FAT4: variants seen among roughly 807,000 people sequenced by gnomAD.
FAT4 encodes the protein FAT atypical cadherin 4, also known as protocadherin Fat 4.
In FAT4, 84 loss-of-function variants were observed where a neutral mutation model predicts 303.9. The ratio of observed to expected loss-of-function variants is 0.28; its 90% CI spans 0.23 to 0.33. The LOEUF is 0.33. Ranked by LOEUF, FAT4 falls within the 10% of genes least tolerant of loss-of-function variation. The probability of loss-of-function intolerance (pLI) is 1.00; values close to 1 mark genes in which losing one functional copy is unlikely to be tolerated. For synonymous variants in FAT4, 2,307 were observed against 2,298.8 expected (o/e 1.00, Z -0.10); for missense variants, 6,005 against 6,146.8 (o/e 0.98, Z 0.77).
In FAT4 at chr4:125,404,938, A is replaced by G. The variant is rs75161830; in HGVS notation, c.5308-1942A>G. Among the ~76,000 whole-genome samples the G allele has an allele frequency of 3.3e-5, 5 of 151,562 alleles. No homozygotes were observed. The East Asian group carries it at 9.7e-4, about 29-fold the overall frequency. Reference sequence around the variant, plus strand: ...AGCTGAATAATATTCCTTTGTATGTATATACAGGTTGAGTATTTCTTATCC... The same window carrying G: ...AGCTGAATAATATTCCTTTGTATGTGTATACAGGTTGAGTATTTCTTATCC... On this transcript the variant is annotated intron_variant, in intron 3 of 17. Coordinates refer to ENST00000394329, the MANE Select transcript of FAT4 (RefSeq NM_001291303.3).
Position 125,415,608 on chromosome 4 carries a change from A to G in FAT4, c.6645A>G (p.Lys2215=). Reference sequence around the variant, plus strand: ...TCACAGGTGCCATCACTGTCGCTAAACCTTTGGATAGAGAAAAGACCCCTA... The same window carrying G: ...TCACAGGTGCCATCACTGTCGCTAAGCCTTTGGATAGAGAAAAGACCCCTA... ...DSVTGAITVA[K]PLDREKTPTY... Residue 2215 remains lysine (K), a synonymous_variant, in exon 6 of 18, where the codon AAA becomes AAG. Transcript: ENST00000394329. 6.2e-7 allele frequency: 1 copy of G among 1,613,982 alleles called. No homozygotes were observed. Among genetic ancestry groups the G allele is most frequent in the Non-Finnish European group, 8.5e-7 (1 of 1,179,968 alleles).
chr4:125,468,803 C>T lies in FAT4; in HGVS notation c.12197C>T (p.Ala4066Val), dbSNP rs748717679. Residue 4066 changes from alanine to valine, a missense_variant, in exon 12 of 18, where the codon GCC becomes GTC. Coordinates refer to ENST00000394329, the MANE Select transcript of FAT4 (RefSeq NM_001291303.3). ...VSDGHFHTVI[A>V]RRAGMAASLT... ...GATGGACATTTTCACACTGTGATTG[C>T]CAGGAGAGCAGGAATGGTAAGATAT... 6 of 1,609,686 alleles carry T rather than the reference C, an allele frequency of 3.7e-6. No individual in the cohort carries two copies. Among genetic ancestry groups the T allele is most frequent in the Non-Finnish European group, 5.1e-6 (6 of 1,176,726 alleles).
chr4:125,488,465 A>G (rs1015466673), intron 17 of FAT4, among the ~76,000 whole-genome samples: 1 of 152,212 alleles, frequency 6.6e-6, no homozygotes, highest in Admixed American at 6.5e-5. Context: ...GATCTGGGCA[A>G]GATGTCTTCT....
intron 14 of FAT4, among the ~76,000 whole-genome samples, chr4:125,479,049 G>A (rs904339092): frequency 4.6e-5 from 7 of 152,038 alleles, no homozygotes; most frequent in Admixed American, 6.5e-5. Flanking sequence ...CTCAAACATG[G>A]CAGTACGCTT....
chr4:125,356,542 G>GTTTTTTTTT (rs1230221758), intron 2 of FAT4, among the ~76,000 whole-genome samples: 11 of 98,456 alleles, frequency 1.1e-4, no homozygotes, highest in African/African-American at 4.0e-4. Flanking sequence ...AGGGTGTTTT[G>GTTTTTTTTT]TTTTTTGTTT....
intron 7 of FAT4, among the ~76,000 whole-genome samples, chr4:125,433,527 A>G (rs890196113): frequency 6.6e-6 from 1 of 152,210 alleles, no homozygotes; most frequent in African/African-American, 2.4e-5. Context: ...AAATTAGTCT[A>G]GTACAGATAG....
At chr4:125,486,004 GA>G (rs1024433425) in intron 16 of FAT4, among the ~76,000 whole-genome samples, 4 of 152,182 alleles carry the variant, frequency 2.6e-5, no homozygotes, top group Non-Finnish European at 4.4e-5. Flanking sequence ...AAAACATTAA[GA>G]ATGTTATAAT....
intron 2 of FAT4, among the ~76,000 whole-genome samples, chr4:125,329,105 A>G (rs889786689): frequency 3.3e-5 from 5 of 152,064 alleles, no homozygotes; most frequent in Non-Finnish European, 7.4e-5. Flanking sequence ...TTATTTCTTC[A>G]TTTTGCTTTC....
In FAT4 at chr4:125,452,769, T is replaced by G; in HGVS notation, c.11759T>G (p.Phe3920Cys). 1 of 1,613,792 alleles carries G rather than the reference T, an allele frequency of 6.2e-7. No homozygotes were observed. The highest frequency in any genetic ancestry group is 8.5e-7 in the Non-Finnish European group (1 of 1,179,872). ...PCKNGAICQNFPGSFNCVCKT... is the reference protein window; with the variant it reads ...PCKNGAICQNCPGSFNCVCKT... ...AAGAATGGTGCCATCTGCCAGAATTTTCCAGGAAGCTTCAACTGTGTTTGC... is the reference window on the plus strand; with the variant it reads ...AAGAATGGTGCCATCTGCCAGAATTGTCCAGGAAGCTTCAACTGTGTTTGC... The change falls in exon 10 of 18, where the codon TTT becomes TGT. Residue 3920 changes from phenylalanine (F) to cysteine (C), a missense_variant. Transcript: ENST00000394329.
At chr4:125,488,432 G>A (rs1353880539) in intron 17 of FAT4, among the ~76,000 whole-genome samples, 1 of 152,184 alleles carries the variant, frequency 6.6e-6, no homozygotes, top group Non-Finnish European at 1.5e-5. Context: ...GAGGACACGA[G>A]TGGATCTACA....
At chr4:125,422,193 A>G (rs1724925883) in intron 7 of FAT4, among the ~76,000 whole-genome samples, 1 of 152,234 alleles carries the variant, frequency 6.6e-6, no homozygotes, top group African/African-American at 2.4e-5. Context: ...AAGAAGATAT[A>G]AAGAATTTGT....
At position 125,448,934 on chromosome 4, in the gene FAT4, G is replaced by C; in HGVS notation, c.7924G>C (p.Glu2642Gln). The C allele has an allele frequency of 1.9e-6, 3 of 1,613,526 alleles. No homozygotes were observed. The highest frequency in any genetic ancestry group is 2.5e-6 in the Non-Finnish European group (3 of 1,179,892). ...GATACAAAAATATGTTGTATGGATA[G>C]AGGCCAGAGACGGTGGTTTCCCTCC... ...EKIQKYVVWI[E>Q]ARDGGFPPFS... The change falls in exon 10 of 18, where the codon GAG (glutamate) becomes CAG (glutamine). Residue 2642 changes from glutamate (E) to glutamine (Q), a missense_variant. Transcript: ENST00000394329.
intron 5 of FAT4, among the ~76,000 whole-genome samples, chr4:125,411,620 A>G (rs1734844347): frequency 6.6e-6 from 1 of 151,574 alleles, no homozygotes. Flanking sequence ...GTTGACAAAT[A>G]TTAGTTCTTT....
rs780430134 is a variant in FAT4 at position 125,468,680 on chromosome 4, C to T, written c.12074C>T (p.Ala4025Val). 6.2e-7 allele frequency: 1 copy of T among 1,614,138 alleles called. No homozygotes were observed. The highest frequency in any genetic ancestry group is 1.7e-5 in the Admixed American group (1 of 60,008). Residue 4025 changes from alanine to valine, a missense_variant, in exon 12 of 18, where the codon GCT becomes GTT. Ala to Val is a moderately conservative substitution (Grantham distance 64). Transcript: ENST00000394329. Reference sequence around the variant, plus strand: ...TATGACAACCAGACAGGCGACCGGGCTGAGTTTTTGGCCCTTGAAATTGCC... The same window carrying T: ...TATGACAACCAGACAGGCGACCGGGTTGAGTTTTTGGCCCTTGAAATTGCC... ...YNYDNQTGDR[A>V]EFLALEIAEE... is the part of the protein sequence containing the mutation.
In FAT4 at chr4:125,491,333, A is replaced by G. The variant is rs1227044176; in HGVS notation, c.14517A>G (p.Glu4839=). ...CAGCGGATGGCATTCCAGCTCCAGA[A>G]TCCTCTTCTGATAGTGACTCCCATG... The part of the protein sequence containing the change: ...RNPADGIPAP[E]SSSDSDSHES... The change falls in exon 18 of 18, where the codon GAA becomes GAG. Residue 4839 remains glutamate, a synonymous_variant. Transcript: ENST00000394329. 1 of 1,614,196 alleles carries G rather than the reference A, an allele frequency of 6.2e-7. No homozygotes were observed. The highest frequency in any genetic ancestry group is 1.3e-5 in the African/African-American group (1 of 75,056).
At chr4:125,463,267 C>T (rs959391805) in intron 10 of FAT4, among the ~76,000 whole-genome samples, 1 of 151,862 alleles carries the variant, frequency 6.6e-6, no homozygotes, top group African/African-American at 2.4e-5. Context: ...AAAATAAATT[C>T]AGTGAAAGCA....
chr4:125,368,667 C>A (rs1732983293), intron 2 of FAT4, among the ~76,000 whole-genome samples: 1 of 151,532 alleles, frequency 6.6e-6, no homozygotes, highest in Non-Finnish European at 1.5e-5. Flanking sequence ...ACCGCATACA[C>A]ACATGACATC....
intron 2 of FAT4, among the ~76,000 whole-genome samples, chr4:125,344,006 G>A (rs534563015): frequency 2.4e-4 from 36 of 152,198 alleles, no homozygotes; most frequent in Non-Finnish European, 4.4e-4. Context: ...TTGAGCAGGA[G>A]GAGTGTATTA....
intron 3 of FAT4, among the ~76,000 whole-genome samples, chr4:125,406,081 A>G (rs527704845): frequency 5.9e-5 from 9 of 152,266 alleles, no homozygotes; most frequent in African/African-American, 2.2e-4. Context: ...AGTCATATAC[A>G]TGAAATAATT....
Sources: allele counts gnomAD v4.1 joint callset (sites outside exome capture counted in the v4.1 genomes callset), GRCh38; gene constraint gnomAD v4.1.1; transcripts MANE v1.5; gene names NCBI Gene and HGNC (gene_info 2026-07-23, HGNC 2026-07-21).